HCRTR2: variants seen among roughly 807,000 people sequenced by gnomAD.
HCRTR2 encodes the protein hypocretin receptor 2, also known as orexin receptor type 2.
HCRTR2 carries 22 observed loss-of-function variants against 49.0 expected under a neutral mutation model. The ratio of observed to expected loss-of-function variants is 0.45; its 90% CI spans 0.32 to 0.64. The LOEUF is 0.64. Ranked by LOEUF, HCRTR2 falls within the 30% of genes least tolerant of loss-of-function variation. HCRTR2 has a pLI of 0.04. For synonymous variants in HCRTR2, 236 were observed against 205.3 expected (o/e 1.15, Z -1.28); for missense variants, 491 against 559.4 (o/e 0.88, Z 1.23).
chr6:55,131,315 A>C (rs1764352223), intron 1 of HCRTR2, among the ~76,000 whole-genome samples: 1 of 151,832 alleles, frequency 6.6e-6, no homozygotes, highest in Admixed American at 6.6e-5. Context: ...TTGGGTTAAG[A>C]AAAGAAAAAC....
intron 3 of HCRTR2, among the ~76,000 whole-genome samples, chr6:55,258,199 A>C (rs774319390): frequency 1.3e-5 from 2 of 152,136 alleles, no homozygotes; most frequent in Non-Finnish European, 2.9e-5. Flanking sequence ...GATTTTTAAA[A>C]CTATTGTAAA....
chr6:55,123,360 C>T (rs1038132628), intron 1 of HCRTR2, among the ~76,000 whole-genome samples: 7 of 151,896 alleles, frequency 4.6e-5, no homozygotes, highest in African/African-American at 1.7e-4. Context: ...TGTCAAAAGC[C>T]TTTTCTGCAT....
intron 1 of HCRTR2, among the ~76,000 whole-genome samples, chr6:55,159,025 C>G (rs1764768195): frequency 6.6e-6 from 1 of 152,178 alleles, no homozygotes; most frequent in African/African-American, 2.4e-5. Context: ...CACCGCACAG[C>G]AAGGGTCGAC....
chr6:55,145,812 C>T (rs1407742218), intron 1 of HCRTR2, among the ~76,000 whole-genome samples: 1 of 152,028 alleles, frequency 6.6e-6, no homozygotes, highest in African/African-American at 2.4e-5. Context: ...GTATATAACA[C>T]TTCTTACTTA....
chr6:55,118,276 C>T (rs989015798), intron 1 of HCRTR2, among the ~76,000 whole-genome samples: 5 of 151,796 alleles, frequency 3.3e-5, no homozygotes, highest in African/African-American at 1.2e-4. Flanking sequence ...GTATATGCAC[C>T]ACATTTTTTT....
At chr6:55,160,034 T>C (rs969896506) in intron 1 of HCRTR2, among the ~76,000 whole-genome samples, 1 of 151,910 alleles carries the variant, frequency 6.6e-6, no homozygotes, top group Non-Finnish European at 1.5e-5. Context: ...GACACATAAT[T>C]GTCAGATGCA....
intron 1 of HCRTR2, among the ~76,000 whole-genome samples, chr6:55,157,755 T>G (rs1431212360): frequency 6.6e-6 from 1 of 152,200 alleles, no homozygotes; most frequent in East Asian, 1.9e-4. Context: ...AAGGAATTCT[T>G]CCAGATCTTA....
intron 1 of HCRTR2, among the ~76,000 whole-genome samples, chr6:55,132,559 A>T (rs1764372378): frequency 6.6e-6 from 1 of 151,890 alleles, no homozygotes; most frequent in African/African-American, 2.4e-5. Context: ...GGTGCATTAA[A>T]GTTAAATGTT....
In HCRTR2 at chr6:55,223,645, T is replaced by C. The variant is rs555978149; in HGVS notation, c.224-24994T>C. 5.8e-4 allele frequency among the ~76,000 whole-genome samples: 88 copies of C among 152,318 alleles called. 1 individual carries two copies. In the South Asian group the frequency reaches 0.016, roughly 28 times the overall value. On this transcript the variant is annotated intron_variant, in intron 1 of 6. Coordinates refer to ENST00000370862, the MANE Select transcript of HCRTR2 (RefSeq NM_001384272.1). ...CAACTCTAGATTTATTCTCTGTTGATATTTTTTATCACTTGAGAATATTTT... is the reference window on the plus strand; with the variant it reads ...CAACTCTAGATTTATTCTCTGTTGACATTTTTTATCACTTGAGAATATTTT...
intron 1 of HCRTR2, among the ~76,000 whole-genome samples, chr6:55,208,116 A>C (rs952233520): frequency 6.6e-6 from 1 of 152,060 alleles, no homozygotes; most frequent in Non-Finnish European, 1.5e-5. Flanking sequence ...AGTCTTTTAA[A>C]CAAGAGCAAT....
chr6:55,232,459 T>C (rs1328613474), intron 1 of HCRTR2, among the ~76,000 whole-genome samples: 2 of 152,200 alleles, frequency 1.3e-5, no homozygotes. Context: ...TGAATCTAAC[T>C]TTCTCCGACA....
rs574043186 is a variant in HCRTR2, at chr6:55,162,187, G to A, written c.-377-12024G>A. Among the ~76,000 whole-genome samples the A allele has an allele frequency of 1.2e-4, 19 of 152,212 alleles. No homozygotes were observed. In the East Asian group the frequency reaches 1.7e-3, roughly 14 times the overall value. On this transcript the variant is annotated intron_variant, in intron 1 of 7. Coordinates refer to the HCRTR2 transcript ENST00000615358. ...GGCATGCAAGGCTTGTTCAACATAC[G>A]AAAATCAATAAATGTAATTCATCAC...
chr6:55,225,657 TACTATAATTCC>T (rs1765990438), intron 1 of HCRTR2, among the ~76,000 whole-genome samples: 2 of 152,252 alleles, frequency 1.3e-5, no homozygotes, highest in African/African-American at 4.8e-5. Context: ...TAATGCAGTG[TACTATAATTCC>T]ATATACATAA....
In HCRTR2 at chr6:55,174,648, C is replaced by A; in HGVS notation, c.61C>A (p.Leu21Met). ...PCRNWSSASE[L>M]NETQEPFLNP... is the part of the protein sequence containing the mutation. The stretch of plus-strand genomic sequence containing the variant: ...TCGCAACTGGTCATCTGCTTCGGAG[C>A]TGAATGAAACTCAAGAGCCCTTTTT... Residue 21 changes from leucine to methionine, a missense_variant, in exon 1 of 7, where the codon CTG becomes ATG. By Grantham distance (15) the Leu-to-Met change is conservative. Coordinates refer to ENST00000370862, the MANE Select transcript of HCRTR2 (RefSeq NM_001384272.1). 6.2e-7 allele frequency: 1 copy of A among 1,614,066 alleles called. No homozygotes were observed. Among genetic ancestry groups the A allele is most frequent in the Non-Finnish European group, 8.5e-7 (1 of 1,179,994 alleles).
chr6:55,246,396 C>T (rs1264689820), intron 1 of HCRTR2, among the ~76,000 whole-genome samples: 1 of 151,844 alleles, frequency 6.6e-6, no homozygotes, highest in Non-Finnish European at 1.5e-5. Context: ...TAATTAAAGC[C>T]ACTGCAAAAT....
chr6:55,243,317 C>G (rs1361445656), intron 1 of HCRTR2, among the ~76,000 whole-genome samples: 1 of 152,090 alleles, frequency 6.6e-6, no homozygotes, highest in Admixed American at 6.6e-5. Flanking sequence ...ACAGACTAAC[C>G]ATAAATTGAC....
chr6:55,175,108 T>C (rs1216155862), intron 1 of HCRTR2, among the ~76,000 whole-genome samples: 1 of 151,296 alleles, frequency 6.6e-6, no homozygotes. Context: ...GATCTCCAGG[T>C]GGATTTTGTT....
chr6:55,215,780 C>A (rs927181755), intron 1 of HCRTR2, among the ~76,000 whole-genome samples: 1 of 152,064 alleles, frequency 6.6e-6, no homozygotes, highest in African/African-American at 2.4e-5. Flanking sequence ...ATTTAAGCCC[C>A]ATGGCAACTA....
intron 4 of HCRTR2, among the ~76,000 whole-genome samples, chr6:55,265,933 T>C (rs1766852777): frequency 6.6e-6 from 1 of 152,068 alleles, no homozygotes; most frequent in Non-Finnish European, 1.5e-5. Flanking sequence ...TCTATTTCTA[T>C]TTGGGCCAGT....
Sources: gnomAD v4.1 joint callset for allele counts (sites outside exome capture counted in the v4.1 genomes callset) on GRCh38, gnomAD v4.1.1 for gene constraint, MANE v1.5 for transcripts, NCBI Gene and HGNC (gene_info 2026-07-23, HGNC 2026-07-21) for gene names.